KALRN: variants seen among roughly 807,000 people sequenced by gnomAD.
The protein encoded by KALRN is kalirin.
KALRN carries 70 observed loss-of-function variants against 353.7 expected under a neutral mutation model. The ratio of observed to expected loss-of-function variants is 0.20; its 90% CI spans 0.16 to 0.24. The LOEUF is 0.24. Among genes scored for constraint, KALRN ranks in the 10% least tolerant of loss-of-function variants. The pLI is 1.00. For missense variants in KALRN, 2,791 were observed against 3,756.7 expected (o/e 0.74, Z 6.72); for synonymous variants, 1,391 against 1,434.8 (o/e 0.97, Z 0.69).
At chr3:124,291,847 A>G (rs2076446163) in intron 5 of KALRN, among the ~76,000 whole-genome samples, 1 of 151,972 alleles carries the variant, frequency 6.6e-6, no homozygotes. Flanking sequence ...AAAGTATGCC[A>G]ACTGACATGC....
chr3:124,326,140 T>C lies in KALRN; in HGVS notation c.1253T>C (p.Met418Thr). Residue 418 changes from methionine to threonine, a missense_variant, in exon 7 of 60, where the codon ATG (methionine) becomes ACG (threonine). By Grantham distance (81) the Met-to-Thr change is moderately conservative. This residue lies in a region of KALRN where 366 missense variants were observed against 489.2 expected (regional missense o/e 0.75). Transcript: ENST00000682506. The part of the protein sequence containing the change: ...ALDERSTILA[M>T]SAVFHQKAEQ... The stretch of plus-strand genomic sequence containing the variant: ...GATGAACGCAGCACCATCCTCGCCA[T>C]GTCTGCTGTGTTCCACCAGAAGGCT... The C allele has an allele frequency of 1.2e-6, 2 of 1,612,912 alleles. No individual in the cohort carries two copies. Among genetic ancestry groups the C allele is most frequent in the Non-Finnish European group, 1.7e-6 (2 of 1,179,428 alleles).
In KALRN at chr3:124,637,414, G is replaced by A. The variant is rs542358735; in HGVS notation, c.5664+111G>A. 19 of 804,220 alleles carry A rather than the reference G, an allele frequency of 2.4e-5. No individual in the cohort carries two copies. In the African/African-American group the frequency reaches 2.5e-4, roughly 11 times the overall value. 49.8% of individuals were successfully genotyped at this position (804,220 alleles called of 1,614,324 possible). ...GCACCTGTCCTCATTCTTCCTATGT[G>A]ATTGCAGCTAATGATGGTTTCTAAA... On this transcript the variant is annotated intron_variant, in intron 37 of 59. Coordinates refer to ENST00000682506, the MANE Select transcript of KALRN (RefSeq NM_001388419.1).
At chr3:124,664,156 T>C (rs1480495922) in intron 45 of KALRN, among the ~76,000 whole-genome samples, 4 of 152,180 alleles carry the variant, frequency 2.6e-5, no homozygotes, top group Non-Finnish European at 5.9e-5. Context: ...TCTGAGGCTA[T>C]ACTGGACAAA....
At chr3:124,344,893 A>G (rs571530755) in intron 9 of KALRN, among the ~76,000 whole-genome samples, 108 of 152,368 alleles carry the variant, frequency 7.1e-4, no homozygotes, top group African/African-American at 2.5e-3. Flanking sequence ...CTTAAAAAGG[A>G]AACAAATTGC....
intron 1 of KALRN, among the ~76,000 whole-genome samples, chr3:124,159,460 TG>T (rs1018076264): frequency 1.3e-5 from 2 of 152,020 alleles, no homozygotes; most frequent in African/African-American, 4.8e-5. Context: ...TTTGTAGAGA[TG>T]GGGTTTTGCC....
At chr3:124,035,005 T>G (rs1032478352) in intron 1 of KALRN, among the ~76,000 whole-genome samples, 5 of 152,030 alleles carry the variant, frequency 3.3e-5, no homozygotes, top group African/African-American at 1.2e-4. Context: ...GGGGGAGACT[T>G]GTGGCTTTGG....
intron 3 of KALRN, among the ~76,000 whole-genome samples, chr3:124,254,666 G>A (rs928588721): frequency 2.6e-5 from 4 of 152,128 alleles, no homozygotes; most frequent in Non-Finnish European, 5.9e-5. Context: ...CGGTAAGTTA[G>A]CTTTTACCAC....
At chr3:124,500,658 A>G (rs2064409042) in intron 33 of KALRN, among the ~76,000 whole-genome samples, 1 of 152,196 alleles carries the variant, frequency 6.6e-6, no homozygotes. Context: ...GCTTTTGTTC[A>G]ATACTTAAAT....
chr3:124,697,214 C>T (rs2150631718), intron 54 of KALRN, among the ~76,000 whole-genome samples: 1 of 152,312 alleles, frequency 6.6e-6, no homozygotes, highest in South Asian at 2.1e-4. Flanking sequence ...TTTAAGTGAA[C>T]ATTATAAGGG....
At chr3:124,700,953 C>T (rs192828578) in intron 56 of KALRN, among the ~76,000 whole-genome samples, 99 of 152,332 alleles carry the variant, frequency 6.5e-4, no homozygotes, top group African/African-American at 1.7e-3. Context: ...CAGAAACCTA[C>T]GCCCTGGGTC....
intron 51 of KALRN, among the ~76,000 whole-genome samples, chr3:124,682,853 C>G (rs772681918): frequency 6.6e-6 from 1 of 152,120 alleles, no homozygotes; most frequent in Non-Finnish European, 1.5e-5. Context: ...TTTCCTTCCC[C>G]TGCTTGTGAA....
At chr3:124,592,977 T>C (rs949737262) in intron 34 of KALRN, among the ~76,000 whole-genome samples, 3 of 152,210 alleles carry the variant, frequency 2.0e-5, no homozygotes, top group Non-Finnish European at 2.9e-5. Context: ...GGGAAACCCC[T>C]TCTGCTGCTA....
At chr3:124,363,119 A>C (rs1350182891) in intron 10 of KALRN, among the ~76,000 whole-genome samples, 3 of 152,178 alleles carry the variant, frequency 2.0e-5, no homozygotes, top group Non-Finnish European at 4.4e-5. Flanking sequence ...ATTTTAAAAA[A>C]ATTATAGTAT....
intron 1 of KALRN, among the ~76,000 whole-genome samples, chr3:124,097,196 A>T (rs890729678): frequency 5.9e-5 from 9 of 152,268 alleles, no homozygotes; most frequent in Admixed American, 3.9e-4. Context: ...GTTACCTAAC[A>T]TTGCATAGAA....
chr3:124,296,989 T>C (rs1020085889), intron 5 of KALRN, among the ~76,000 whole-genome samples: 11 of 152,230 alleles, frequency 7.2e-5, no homozygotes, highest in African/African-American at 2.4e-4. Flanking sequence ...AGATGTTTTT[T>C]TGAGTTGTAA....
At chr3:124,149,597 T>G (rs1289751981) in intron 1 of KALRN, among the ~76,000 whole-genome samples, 3 of 152,338 alleles carry the variant, frequency 2.0e-5, no homozygotes, top group Middle Eastern at 3.4e-3. Context: ...ATATGTTCTA[T>G]CCATGCTATG....
chr3:124,597,829 A>G (rs546159388), intron 34 of KALRN, among the ~76,000 whole-genome samples: 6 of 152,384 alleles, frequency 3.9e-5, no homozygotes, highest in Admixed American at 1.3e-4. Flanking sequence ...ATGTAATGCA[A>G]TAAAACTAAT....
chr3:124,597,951 C>G (rs1034234578), intron 34 of KALRN, among the ~76,000 whole-genome samples: 1 of 152,092 alleles, frequency 6.6e-6, no homozygotes, highest in African/African-American at 2.4e-5. Flanking sequence ...CGGTCCTGCC[C>G]TTATGTTTGG....
intron 34 of KALRN, among the ~76,000 whole-genome samples, chr3:124,631,997 C>T (rs925327745): frequency 1.3e-5 from 2 of 152,226 alleles, no homozygotes; most frequent in African/African-American, 2.4e-5. Flanking sequence ...ATGAGACTGG[C>T]CCTGATCACC....
Sources: gnomAD v4.1 joint callset for allele counts (sites outside exome capture counted in the v4.1 genomes callset) on GRCh38, gnomAD v4.1.1 for gene constraint, gnomAD v4.1.1 regional missense constraint, MANE v1.5 for transcripts, NCBI Gene and HGNC (gene_info 2026-07-23, HGNC 2026-07-21) for gene names.